Variants in RFX7 observed in about 807,000 individuals in gnomAD.
RFX7 encodes the protein regulatory factor X7, also known as DNA-binding protein RFX7.
In RFX7, 26 loss-of-function variants were observed where a neutral mutation model predicts 111.8. The observed-to-expected ratio is 0.23, with a 90% confidence interval of 0.17 to 0.32. The LOEUF (loss-of-function observed/expected upper bound fraction) is 0.32, where lower values mean the gene tolerates loss of function less well. Ranked by LOEUF, RFX7 falls within the 10% of genes least tolerant of loss-of-function variation. The pLI is 1.00. For missense variants in RFX7, 1,573 were observed against 1,772.9 expected (o/e 0.89, Z 2.02); for synonymous variants, 624 against 624.4 (o/e 1.00, Z 0.01).
chr15:56,199,981 T>G (rs1343164532), intron 2 of RFX7, among the ~76,000 whole-genome samples: 2 of 152,202 alleles, frequency 1.3e-5, no homozygotes, highest in African/African-American at 4.8e-5. Flanking sequence ...CAGTTAAAAA[T>G]GCTATGATTA....
intron 2 of RFX7, among the ~76,000 whole-genome samples, chr15:56,205,915 A>C (rs2043246409): frequency 6.6e-6 from 1 of 152,214 alleles, no homozygotes; most frequent in Admixed American, 6.5e-5. Context: ...TAAAAATAAA[A>C]ATTATATAAA....
intron 2 of RFX7, among the ~76,000 whole-genome samples, chr15:56,196,761 A>G (rs1445636065): frequency 6.6e-6 from 1 of 152,226 alleles, no homozygotes; most frequent in Non-Finnish European, 1.5e-5. Flanking sequence ...GCCCTAGCAA[A>G]CTAATATGCA....
intron 2 of RFX7, among the ~76,000 whole-genome samples, chr15:56,179,865 T>C (rs1205044275): frequency 6.6e-6 from 1 of 151,020 alleles, no homozygotes; most frequent in Non-Finnish European, 1.5e-5. Flanking sequence ...TTAACTAATA[T>C]AGTAATAAAT....
chr15:56,095,667 C>T lies in RFX7; in HGVS notation c.2061G>A (p.Gly687=), dbSNP rs574104812. The T allele has an allele frequency of 1.2e-6, 2 of 1,613,936 alleles. No individual in the cohort carries two copies. The highest frequency in any genetic ancestry group is 2.7e-5 in the African/African-American group (2 of 75,026). Reference sequence around the variant, plus strand: ...CCTTCTTAACACTGCCTTGTTTCTGCCCTTCTATGGTAGCTGCTGAAAGCT... The same window carrying T: ...CCTTCTTAACACTGCCTTGTTTCTGTCCTTCTATGGTAGCTGCTGAAAGCT... The part of the protein sequence containing the change: ...VEQLSAATIE[G]QKQGSVKKDQ... Residue 687 remains glycine, a synonymous_variant, in exon 10 of 10, where the codon GGG becomes GGA. Coordinates refer to ENST00000559447, the MANE Select transcript of RFX7 (RefSeq NM_022841.7).
chr15:56,220,262 C>T lies in RFX7; in HGVS notation c.161+22863G>A, dbSNP rs186776333. 8.8e-3 allele frequency among the ~76,000 whole-genome samples: 1,343 copies of T among 152,150 alleles called. 14 individuals are homozygous for T. Among genetic ancestry groups the T allele is most frequent in the Admixed American group, 0.016 (242 of 15,272 alleles). ...TTTATTTTTTTGAGACAGAGTTTTGCTCTTGTTGCCCAGGCTGAAATGCAG... is the reference window on the plus strand; with the variant it reads ...TTTATTTTTTTGAGACAGAGTTTTGTTCTTGTTGCCCAGGCTGAAATGCAG... On this transcript the variant is annotated intron_variant, in intron 2 of 9. Coordinates refer to ENST00000559447, the MANE Select transcript of RFX7 (RefSeq NM_022841.7).
chr15:56,094,529 T>G lies in RFX7; in HGVS notation c.3199A>C (p.Asn1067His). ...PDKTKLEWMN[N>H]GYSGVGNSSV... The stretch of plus-strand genomic sequence containing the variant: ...GAATTACCAACCCCACTATACCCAT[T>G]ATTCATCCATTCAAGCTTGGTTTTG... Residue 1067 changes from asparagine to histidine, a missense_variant, in exon 10 of 10, where the codon AAT (asparagine) becomes CAT (histidine). Physicochemically the swap from Asn to His is moderately conservative, Grantham distance 68. This residue lies in a region of RFX7 where 411 missense variants were observed against 478.1 expected (regional missense o/e 0.86). Transcript: ENST00000559447. 6.2e-7 allele frequency: 1 copy of G among 1,613,932 alleles called. No homozygotes were observed. Among genetic ancestry groups the G allele is most frequent in the Non-Finnish European group, 8.5e-7 (1 of 1,179,864 alleles).
In RFX7 at chr15:56,095,008, C is replaced by T; in HGVS notation, c.2720G>A (p.Gly907Asp). The T allele has an allele frequency of 6.2e-7, 1 of 1,613,522 alleles. No individual in the cohort carries two copies. The highest frequency in any genetic ancestry group is 8.5e-7 in the Non-Finnish European group (1 of 1,179,692). Residue 907 changes from glycine (G) to aspartate (D), a missense_variant, in exon 10 of 10, where the codon GGC (glycine) becomes GAC (aspartate). Around this residue, in one of 7 missense-constraint regions of RFX7, gnomAD observed 625 missense variants for 632.2 expected, o/e 0.99. Coordinates refer to ENST00000559447, the MANE Select transcript of RFX7 (RefSeq NM_022841.7). Reference sequence around the variant, plus strand: ...CTGAAGGGTCATTCCCAAACAGTTGCCGTAAGAATGAGAATTGTTCATTGA... The same window carrying T: ...CTGAAGGGTCATTCCCAAACAGTTGTCGTAAGAATGAGAATTGTTCATTGA... ...QMSMNNSHSY[G>D]NCLGMTLQSQ...
At chr15:56,173,555 TG>T (rs2042868963) in intron 3 of RFX7, among the ~76,000 whole-genome samples, 1 of 152,120 alleles carries the variant, frequency 6.6e-6, no homozygotes, top group Non-Finnish European at 1.5e-5. Flanking sequence ...CCACGGCAAG[TG>T]GATCAGATGA....
intron 3 of RFX7, among the ~76,000 whole-genome samples, chr15:56,168,750 G>A (rs1013518500): frequency 3.9e-5 from 6 of 152,154 alleles, no homozygotes; most frequent in African/African-American, 1.4e-4. Flanking sequence ...ATAAGGAGGT[G>A]TCCTGAATAA....
At chr15:56,135,684 C>T (rs1481395221) in intron 5 of RFX7, among the ~76,000 whole-genome samples, 4 of 152,050 alleles carry the variant, frequency 2.6e-5, no homozygotes, top group Non-Finnish European at 4.4e-5. Context: ...ACATGAAGTC[C>T]TTGCCCATGC....
rs375459545 is a variant in RFX7 at position 56,096,632 on chromosome 15, T to A, written c.1108-12A>T. 1.3e-6 allele frequency: 2 copies of A among 1,550,726 alleles called. No homozygotes were observed. Among genetic ancestry groups the A allele is most frequent in the Non-Finnish European group, 1.7e-6 (2 of 1,144,902 alleles). The stretch of plus-strand genomic sequence containing the variant: ...CTAGTCCGCTGGACCTGTTAAAAGA[T>A]AGCAAAAAATCAGATTTAACAGGTC... On this transcript the variant is annotated splice_polypyrimidine_tract_variant and intron_variant, in intron 9 of 9. Transcript: ENST00000559447.
chr15:56,129,653 G>T (rs988995939), intron 5 of RFX7, among the ~76,000 whole-genome samples: 10 of 152,142 alleles, frequency 6.6e-5, no homozygotes, highest in Admixed American at 2.6e-4. Context: ...TGAAAACAAA[G>T]CAGTCGCCCA....
At chr15:56,121,638 C>T (rs1258743042) in intron 5 of RFX7, among the ~76,000 whole-genome samples, 1 of 152,174 alleles carries the variant, frequency 6.6e-6, no homozygotes, top group Non-Finnish European at 1.5e-5. Flanking sequence ...CTGTCTACCT[C>T]CTCTTTAAGG....
chr15:56,123,970 G>A (rs2042109939), intron 5 of RFX7, among the ~76,000 whole-genome samples: 1 of 152,166 alleles, frequency 6.6e-6, no homozygotes, highest in Non-Finnish European at 1.5e-5. Context: ...CTTCTTCAGT[G>A]TCTCTTTCAA....
intron 2 of RFX7, among the ~76,000 whole-genome samples, chr15:56,235,021 A>C (rs545608732): frequency 1.3e-5 from 2 of 152,366 alleles, no homozygotes; most frequent in East Asian, 1.9e-4. Context: ...TTAGACACTT[A>C]TATCAGCAGA....
At chr15:56,145,747 A>G in intron 3 of RFX7, among the ~76,000 whole-genome samples, 1 of 152,174 alleles carries the variant, frequency 6.6e-6, no homozygotes, top group East Asian at 1.9e-4. Context: ...TTAGCCCTCT[A>G]ACACTCTGCC....
At chr15:56,119,868 T>C (rs528754506) in intron 5 of RFX7, among the ~76,000 whole-genome samples, 2 of 152,226 alleles carry the variant, frequency 1.3e-5, no homozygotes, top group South Asian at 2.1e-4. Context: ...TTTTGGTCTA[T>C]GTGTCTGTTT....
At chr15:56,174,312 G>A (rs2042877730) in intron 3 of RFX7, among the ~76,000 whole-genome samples, 2 of 152,058 alleles carry the variant, frequency 1.3e-5, no homozygotes, top group Admixed American at 1.3e-4. Flanking sequence ...TTCTAGAACT[G>A]AAAAAAATAT....
At position 56,093,685 on chromosome 15, in the gene RFX7, C is replaced by T. The variant is rs1367886057; in HGVS notation, c.4043G>A (p.Ser1348Asn). The T allele has an allele frequency of 1.2e-6, 2 of 1,613,774 alleles. No individual in the cohort carries two copies. The highest frequency in any genetic ancestry group is 1.3e-5 in the African/African-American group (1 of 74,932). ...TCCACTCAACAGGTCTTTAACAGTG[C>T]TATTGAAATCTAATTGTTGCTCTCC... Reference protein sequence around the residue: ...EIGEQQLDFNSTVKDLLSGDS... With the variant: ...EIGEQQLDFNNTVKDLLSGDS... Residue 1348 changes from serine to asparagine, a missense_variant, in exon 10 of 10, where the codon AGC becomes AAC. By Grantham distance (46) the Ser-to-Asn change is conservative. Transcript: ENST00000559447.
Sources: gnomAD v4.1 joint callset for allele counts (sites outside exome capture counted in the v4.1 genomes callset) on GRCh38, gnomAD v4.1.1 for gene constraint, gnomAD v4.1.1 regional missense constraint, MANE v1.5 for transcripts, NCBI Gene and HGNC (gene_info 2026-07-23, HGNC 2026-07-21) for gene names.